CCDC88B: variants seen among roughly 807,000 people sequenced by gnomAD.
The protein encoded by CCDC88B is coiled-coil domain-containing protein 88B.
In CCDC88B, 138 loss-of-function variants were observed where a neutral mutation model predicts 183.7. The observed-to-expected ratio is 0.75, with a 90% CI of 0.65 to 0.87. CCDC88B has a LOEUF of 0.87. CCDC88B is among the 40% of genes least tolerant of loss of function. CCDC88B has a pLI of 0.00. For missense variants in CCDC88B, 1,822 were observed against 1,965.6 expected (o/e 0.93, Z 1.38); for synonymous variants, 835 against 867.5 (o/e 0.96, Z 0.66).
chr11:64,344,116 A>C lies in CCDC88B; in HGVS notation c.1575A>C (p.Gly525=). 1 of 1,613,144 alleles carries C rather than the reference A, an allele frequency of 6.2e-7. No homozygotes were observed. The highest frequency in any genetic ancestry group is 8.5e-7 in the Non-Finnish European group (1 of 1,179,842). The part of the protein sequence containing the change: ...PQGLVQKARD[G]GPQALDLAPP... Reference sequence around the variant, plus strand: ...GCTTGGTTCAGAAGGCAAGGGATGGAGGCCCCCAGGCCTTGGACTTGGCTC... The same window carrying C: ...GCTTGGTTCAGAAGGCAAGGGATGGCGGCCCCCAGGCCTTGGACTTGGCTC... Residue 525 remains glycine, a synonymous_variant, in exon 14 of 27, where the codon GGA becomes GGC. Coordinates refer to ENST00000356786, the MANE Select transcript of CCDC88B (RefSeq NM_032251.6). The surrounding 1 kb of genome is among the most constrained non-coding windows in gnomAD (Gnocchi z 4.5).
intron 9 of CCDC88B, 29 bp downstream of exon 9, chr11:64,342,404 G>A (rs1158377051): frequency 1.3e-6 from 2 of 1,556,676 alleles, no homozygotes; most frequent in South Asian, 2.4e-5. Context: ...CGCCACCGCG[G>A]CATTCCCTAA....
Position 64,351,631 on chromosome 11 carries a change from G to A in CCDC88B, c.3099+15G>A, listed in dbSNP as rs201716466. On this transcript the variant is annotated intron_variant, in intron 18 of 26. Transcript: ENST00000356786. ...GCCGCCTGCAGGTGGGTGGTGGCCC[G>A]GGTGCCCATCCCTGCCCATGTACTG... The A allele has an allele frequency of 3.3e-5, 51 of 1,552,174 alleles. No homozygotes were observed. The highest frequency in any genetic ancestry group is 2.3e-4 in the Middle Eastern group (1 of 4,358).
chr11:64,351,263 T>A lies in CCDC88B; in HGVS notation c.2958+8T>A. 1 of 1,512,558 alleles carries A rather than the reference T, an allele frequency of 6.6e-7. No individual in the cohort carries two copies. 93.7% of individuals were successfully genotyped at this position (1,512,558 alleles called of 1,614,324 possible). A position where few individuals can be genotyped will look rare whatever the true frequency, so the allele number is the denominator to read the frequency against. ...ATTGAGGTGGAGCGCAGTGTGAGTG[T>A]GGGCCCACAGTGGGCCCTGGGGAGG... On this transcript the variant is annotated splice_region_variant and intron_variant, in intron 17 of 26. Coordinates refer to ENST00000356786, the MANE Select transcript of CCDC88B (RefSeq NM_032251.6).
rs773666251 is a variant in CCDC88B, at chr11:64,351,465, C to T, written c.2959-11C>T. 2.5e-5 allele frequency: 39 copies of T among 1,583,348 alleles called. No individual in the cohort carries two copies. The African/African-American group carries it at 4.7e-4, about 19-fold the overall frequency. On this transcript the variant is annotated splice_polypyrimidine_tract_variant and intron_variant, in intron 17 of 26. Transcript: ENST00000356786. Reference sequence around the variant, plus strand: ...GCCACCTGGCTATTGCTAACCCCCACTTCTGGGCAGAATGCGATGCTGGTG... The same window carrying T: ...GCCACCTGGCTATTGCTAACCCCCATTTCTGGGCAGAATGCGATGCTGGTG...
At chr11:64,351,382 T>TC (rs1565054879) in intron 17 of CCDC88B, 94 bp from the exon 18 acceptor site, 1 of 1,510,400 alleles carries the variant, frequency 6.6e-7, no homozygotes, top group East Asian at 2.5e-5. Context: ...GGCCCGGGGG[T>TC]GGGGGTGCCC....
At chr11:64,348,971 T>C in intron 14 of CCDC88B, 1 of 717,548 alleles carries the variant, frequency 1.4e-6, no homozygotes, top group Non-Finnish European at 2.6e-6. Context: ...TCTAGCTGTC[T>C]CGCTGTCACA....
chr11:64,355,231 C>T lies in CCDC88B; in HGVS notation c.4137C>T (p.Ser1379=). ...CGGCACCCATGCGCCGGGCCCAGAG[C>T]TCCCTCTGCCTGCGGGATGAGACCT... ...PSPAPMRRAQ[S]SLCLRDETLA... is the part of the protein sequence containing the mutation. Residue 1379 remains serine, a synonymous_variant, in exon 25 of 27, where the codon AGC becomes AGT. Coordinates refer to ENST00000356786, the MANE Select transcript of CCDC88B (RefSeq NM_032251.6). The T allele has an allele frequency of 6.6e-7, 1 of 1,518,436 alleles. No homozygotes were observed. The highest frequency in any genetic ancestry group is 8.8e-7 in the Non-Finnish European group (1 of 1,137,218). The allele number at this position is 1,518,436 out of a possible 1,614,324, so 94.1% of individuals were successfully genotyped here.
rs746169612 is a variant in CCDC88B, at chr11:64,341,318, C to T, written c.437C>T (p.Ala146Val). 6.2e-7 allele frequency: 1 copy of T among 1,613,926 alleles called. No homozygotes were observed. The highest frequency in any genetic ancestry group is 8.5e-7 in the Non-Finnish European group (1 of 1,180,022). The change falls in exon 5 of 27, where the codon GCG (alanine) becomes GTG (valine). Residue 146 changes from alanine to valine, a missense_variant. Coordinates refer to ENST00000356786, the MANE Select transcript of CCDC88B (RefSeq NM_032251.6). ...GGCGTTCTTCGGCTACTGTTGGGAG[C>T]GTCAGTACAGGTGAGCCGGCGGTGG... ...LEGVLRLLLG[A>V]SVQCEHRELF... is the part of the protein sequence containing the mutation.
Position 64,353,071 on chromosome 11 carries a change from C to A in CCDC88B, c.3518C>A (p.Ala1173Glu). 1 of 1,604,342 alleles carries A rather than the reference C, an allele frequency of 6.2e-7. No individual in the cohort carries two copies. The highest frequency in any genetic ancestry group is 8.5e-7 in the Non-Finnish European group (1 of 1,176,100). Residue 1173 changes from alanine to glutamate, a missense_variant, in exon 21 of 27, where the codon GCA becomes GAA. Coordinates refer to ENST00000356786, the MANE Select transcript of CCDC88B (RefSeq NM_032251.6). ...SEHDRAQMLL[A>E]ELSRERGELQ... The stretch of plus-strand genomic sequence containing the variant: ...CTCCCAAGGGCTCAGATGCTGCTGG[C>A]AGAGTTGTCTCGGGAGCGGGGTGAG...
chr11:64,354,123 G>GC lies in CCDC88B; in HGVS notation c.4058dup (p.Glu1354GlyfsTer6), dbSNP rs766453848. ...GCTGGCAGCACCGAGAGCCTGGGGG[G>GC]CCCCCCGGAGACGGAGCTTCCTGAG... On this transcript the variant is annotated frameshift_variant, in exon 24 of 27. Transcript: ENST00000356786. LOFTEE classifies it high-confidence loss of function. 10 of 1,374,422 alleles carry GC rather than the reference G, an allele frequency of 7.3e-6. No homozygotes were observed. Among genetic ancestry groups the GC allele is most frequent in the East Asian group, 2.6e-5 (1 of 38,206 alleles). The allele number at this position is 1,374,422 out of a possible 1,614,324, so 85.1% of individuals were successfully genotyped here.
chr11:64,344,817 A>C lies in CCDC88B; in HGVS notation c.2276A>C (p.Asn759Thr). Residue 759 changes from asparagine (N) to threonine (T), a missense_variant, in exon 14 of 27, where the codon AAC becomes ACC. Physicochemically the swap from Asn to Thr is moderately conservative, Grantham distance 65. Transcript: ENST00000356786. This position sits in a 1 kb window ranked among gnomAD's most constrained non-coding sequence, Gnocchi z 4.5. ...EAQARKLEAQ[N>T]TEAARLSKEL... Reference sequence around the variant, plus strand: ...CAGGCCCGCAAGCTGGAGGCCCAAAACACGGAGGCTGCCCGCCTCTCCAAG... The same window carrying C: ...CAGGCCCGCAAGCTGGAGGCCCAAACCACGGAGGCTGCCCGCCTCTCCAAG... 1 of 1,609,546 alleles carries C rather than the reference A, an allele frequency of 6.2e-7. No homozygotes were observed. The highest frequency in any genetic ancestry group is 8.5e-7 in the Non-Finnish European group (1 of 1,177,812).
Position 64,344,768 on chromosome 11 carries a change from G to GC in CCDC88B, c.2230dup (p.Leu744ProfsTer4). ...GGCACAGTTGAGGAGAAAGGCTGAG[G>GC]CCCTTGGAGATGAGCTGGAAGCCCA... On this transcript the variant is annotated frameshift_variant, in exon 14 of 27. Coordinates refer to ENST00000356786, the MANE Select transcript of CCDC88B (RefSeq NM_032251.6). LOFTEE classifies it high-confidence loss of function. The surrounding 1 kb of genome is among the most constrained non-coding windows in gnomAD (Gnocchi z 4.5). 1 of 1,613,910 alleles carries GC rather than the reference G, an allele frequency of 6.2e-7. No homozygotes were observed. Among genetic ancestry groups the GC allele is most frequent in the Non-Finnish European group, 8.5e-7 (1 of 1,179,998 alleles).
At position 64,345,119 on chromosome 11, in the gene CCDC88B, G is replaced by A. The variant is rs113230981; in HGVS notation, c.2578G>A (p.Ala860Thr). 10 of 1,550,258 alleles carry A rather than the reference G, an allele frequency of 6.5e-6. No individual in the cohort carries two copies. The highest frequency in any genetic ancestry group is 5.4e-5 in the African/African-American group (4 of 73,972). ...CGAGGGCCGCCAGCACTTGGAGGAG[G>A]CTGAGAGGGAGCGCCGGGAGAAGGA... The part of the protein sequence containing the change: ...ESEGRQHLEE[A>T]ERERREKEAL... Residue 860 changes from alanine to threonine, a missense_variant, in exon 14 of 27, where the codon GCT (alanine) becomes ACT (threonine). By Grantham distance (58) the Ala-to-Thr change is moderately conservative. Transcript: ENST00000356786.
At position 64,344,472 on chromosome 11, in the gene CCDC88B, A is replaced by C; in HGVS notation, c.1931A>C (p.Glu644Ala). The C allele has an allele frequency of 6.3e-7, 1 of 1,596,668 alleles. No homozygotes were observed. The highest frequency in any genetic ancestry group is 8.5e-7 in the Non-Finnish European group (1 of 1,171,482). The change falls in exon 14 of 27, where the codon GAG (glutamate) becomes GCG (alanine). Residue 644 changes from glutamate (E) to alanine (A), a missense_variant. Physicochemically the swap from Glu to Ala is moderately radical, Grantham distance 107. Transcript: ENST00000356786. This position sits in a 1 kb window ranked among gnomAD's most constrained non-coding sequence, Gnocchi z 4.5. Reference sequence around the variant, plus strand: ...CCTGAGGCCTGGGGGTTGAGACAGGAGGGCCCTGAGCACAAGCCAGGGCCT... The same window carrying C: ...CCTGAGGCCTGGGGGTTGAGACAGGCGGGCCCTGAGCACAAGCCAGGGCCT... ...LVPEAWGLRQ[E>A]GPEHKPGPSE...
At position 64,351,148 on chromosome 11, in the gene CCDC88B, C is replaced by T. The variant is rs1231833926; in HGVS notation, c.2863-12C>T. ...GCTGTCCCGCATGACCTCCCAGGGA[C>T]TCTCCTTGCAGCTGCGCCAGGGCCC... On this transcript the variant is annotated splice_polypyrimidine_tract_variant and intron_variant, in intron 16 of 26. Coordinates refer to ENST00000356786, the MANE Select transcript of CCDC88B (RefSeq NM_032251.6). 6.8e-7 allele frequency: 1 copy of T among 1,466,202 alleles called. No homozygotes were observed. The highest frequency in any genetic ancestry group is 9.0e-7 in the Non-Finnish European group (1 of 1,109,704). 90.8% of individuals were successfully genotyped at this position (1,466,202 alleles called of 1,614,324 possible). A position where few individuals can be genotyped will look rare whatever the true frequency, so the allele number is the denominator to read the frequency against.
chr11:64,355,936 C>A, intron 26 of CCDC88B: 1 of 262,818 alleles, frequency 3.8e-6, no homozygotes, highest in Non-Finnish European at 7.2e-6. Flanking sequence ...ATTTTAATAA[C>A]ATTTAACTCA....
At position 64,351,250 on chromosome 11, in the gene CCDC88B, C is replaced by A; in HGVS notation, c.2953C>A (p.Arg985Ser). The A allele has an allele frequency of 1.3e-6, 2 of 1,524,368 alleles. No homozygotes were observed. Among genetic ancestry groups the A allele is most frequent in the South Asian group, 2.5e-5 (2 of 79,822 alleles). 94.4% of individuals were successfully genotyped at this position (1,524,368 alleles called of 1,614,324 possible). ...GAATGTGCGGCTTATTGAGGTGGAG[C>A]GCAGTGTGAGTGTGGGCCCACAGTG... ...TQNVRLIEVERSNAMLVAEKA... is the reference protein window; with the variant it reads ...TQNVRLIEVESSNAMLVAEKA... Residue 985 changes from arginine (R) to serine (S), a missense_variant, in exon 17 of 27, where the codon CGC becomes AGC. Transcript: ENST00000356786.
chr11:64,340,860 G>A, intron 2 of CCDC88B, 47 bp from the exon 3 acceptor site: 1 of 1,536,440 alleles, frequency 6.5e-7, no homozygotes, highest in Non-Finnish European at 8.8e-7. Context: ...CGGTGGGCGA[G>A]GCCTGTTGAC....
chr11:64,343,468 T>A, intron 11 of CCDC88B, 39 bp from the exon 12 acceptor site: 1 of 1,540,300 alleles, frequency 6.5e-7, no homozygotes, highest in South Asian at 1.2e-5. Context: ...GGCCTGGCCA[T>A]GGTGTGGAGG....
Sources: allele counts gnomAD v4.1 joint callset, GRCh38; gene constraint gnomAD v4.1.1; non-coding constraint Gnocchi (gnomAD v3.1); transcripts MANE v1.5; gene names NCBI Gene and HGNC (gene_info 2026-07-23, HGNC 2026-07-21).